ARMC3: variants seen among roughly 807,000 people sequenced by gnomAD.
ARMC3 encodes armadillo repeat-containing protein 3.
A neutral mutation model predicts 90.3 loss-of-function variants in ARMC3; 74 were observed. The observed-to-expected ratio is 0.82, with a 90% confidence interval of 0.68 to 0.99. ARMC3 has a LOEUF of 0.99. Ranked by LOEUF, ARMC3 falls within the 50% of genes least tolerant of loss-of-function variation. The probability of loss-of-function intolerance (pLI) is 0.00; values close to 1 mark genes in which losing one functional copy is unlikely to be tolerated. For synonymous variants in ARMC3, 334 were observed against 361.8 expected (o/e 0.92, Z 0.87); for missense variants, 958 against 1,042.8 (o/e 0.92, Z 1.12).
intron 2 of ARMC3, among the ~76,000 whole-genome samples, chr10:22,941,512 G>T (rs1037404637): frequency 3.9e-5 from 6 of 152,156 alleles, no homozygotes; most frequent in African/African-American, 1.2e-4. Context: ...GTGAGAATAG[G>T]AGATTGAGTT....
At chr10:23,003,696 A>G (rs1837434208) in intron 13 of ARMC3, among the ~76,000 whole-genome samples, 1 of 152,196 alleles carries the variant, frequency 6.6e-6, no homozygotes, top group African/African-American at 2.4e-5. Flanking sequence ...CTGGTGATGC[A>G]TATCTGTAGT....
intron 10 of ARMC3, among the ~76,000 whole-genome samples, chr10:22,992,430 G>A (rs1046424070): frequency 1.3e-5 from 2 of 151,950 alleles, no homozygotes; most frequent in Admixed American, 6.6e-5. Context: ...TTTGCGGGGG[G>A]CATTTTTCTT....
intron 7 of ARMC3, among the ~76,000 whole-genome samples, chr10:22,963,800 GA>G (rs1835304193): frequency 6.6e-6 from 1 of 150,952 alleles, no homozygotes; most frequent in Non-Finnish European, 1.5e-5. Context: ...TGAGGCAGAA[GA>G]ATCACTTGAA....
At chr10:22,956,799 T>A (rs1489226520) in intron 4 of ARMC3, among the ~76,000 whole-genome samples, 1 of 148,324 alleles carries the variant, frequency 6.7e-6, no homozygotes, top group Non-Finnish European at 1.5e-5. Flanking sequence ...TATGATATAT[T>A]AATATGTAAT....
intron 10 of ARMC3, among the ~76,000 whole-genome samples, chr10:22,992,422 T>G (rs11013224): frequency 0.52 from 78,142 of 151,584 alleles, 22,110 homozygotes; most frequent in Non-Finnish European, 0.62. Flanking sequence ...CCTAGCATTT[T>G]GCGGGGGGCA....
At chr10:22,943,626 G>A (rs1157801718) in intron 2 of ARMC3, among the ~76,000 whole-genome samples, 3 of 151,666 alleles carry the variant, frequency 2.0e-5, no homozygotes, top group Admixed American at 6.6e-5. Flanking sequence ...CATCACTTCA[G>A]GAATCCTTTC....
intron 8 of ARMC3, among the ~76,000 whole-genome samples, chr10:22,970,673 A>G (rs956717374): frequency 1.3e-5 from 2 of 152,216 alleles, no homozygotes; most frequent in African/African-American, 4.8e-5. Context: ...GGACTGGCTC[A>G]AGGCACTTTG....
At position 23,010,700 on chromosome 10, in the gene ARMC3, C is replaced by A. The variant is rs190231852; in HGVS notation, c.2045+1769C>A. Among the ~76,000 whole-genome samples the A allele has an allele frequency of 3.0e-4, 26 of 87,620 alleles. No individual in the cohort carries two copies. The East Asian group carries it at 0.011, about 36-fold the overall frequency. 57.5% of individuals were successfully genotyped at this position (87,620 alleles called of 152,430 possible). ...CCCTCCCCCTTCCTTCCTTTCCCTT[C>A]CCCCTCCTTCCTTTCCCTCCCCTTT... On this transcript the variant is annotated intron_variant, in intron 16 of 18. Coordinates refer to ENST00000298032, the MANE Select transcript of ARMC3 (RefSeq NM_173081.5).
At chr10:23,013,360 C>T (rs7087818) in intron 16 of ARMC3, among the ~76,000 whole-genome samples, 38,813 of 152,024 alleles carry the variant, frequency 0.26, 5,781 homozygotes, top group African/African-American at 0.41. Context: ...TTCTTTACAG[C>T]TTTGTTTTTG....
chr10:22,946,941 C>T (rs1834553148), intron 3 of ARMC3, among the ~76,000 whole-genome samples: 1 of 152,206 alleles, frequency 6.6e-6, no homozygotes, highest in Non-Finnish European at 1.5e-5. Context: ...GGGTGGATCA[C>T]TTGAGCCCAG....
chr10:23,022,070 T>C (rs1015186475), intron 16 of ARMC3, among the ~76,000 whole-genome samples: 5 of 152,208 alleles, frequency 3.3e-5, no homozygotes, highest in Admixed American at 6.5e-5. Flanking sequence ...AAAATATGTA[T>C]ATTTACATTT....
chr10:22,988,480 CA>C (rs774858472), intron 10 of ARMC3, among the ~76,000 whole-genome samples: 6 of 152,142 alleles, frequency 3.9e-5, no homozygotes, highest in Non-Finnish European at 5.9e-5. Context: ...ATTTCTCTCC[CA>C]TTCAGTAAAG....
intron 13 of ARMC3, among the ~76,000 whole-genome samples, chr10:23,004,216 AATATT>A (rs1032238218): frequency 6.6e-6 from 1 of 152,196 alleles, no homozygotes; most frequent in African/African-American, 2.4e-5. Context: ...TAGAAATTAA[AATATT>A]AAGGACACTT....
chr10:22,970,492 C>G (rs1835634201), intron 8 of ARMC3, among the ~76,000 whole-genome samples: 1 of 152,158 alleles, frequency 6.6e-6, no homozygotes, highest in Non-Finnish European at 1.5e-5. Flanking sequence ...TGAAGTTACT[C>G]AGAAGGGAGG....
At chr10:23,014,041 A>C in intron 16 of ARMC3, 1 of 1,530,784 alleles carries the variant, frequency 6.5e-7, no homozygotes, top group South Asian at 1.2e-5. Context: ...ACAAATGAGA[A>C]TAATTATTCC....
chr10:22,978,330 GT>G (rs1014927783), intron 8 of ARMC3, among the ~76,000 whole-genome samples: 2 of 152,220 alleles, frequency 1.3e-5, no homozygotes, highest in African/African-American at 4.8e-5. Context: ...TCTTTGCAGG[GT>G]GGCAGGAGAG....
chr10:22,982,657 A>G (rs1348926457), intron 10 of ARMC3, among the ~76,000 whole-genome samples: 1 of 152,220 alleles, frequency 6.6e-6, no homozygotes, highest in African/African-American at 2.4e-5. Flanking sequence ...GGAGATTAAG[A>G]CTGCCTTATA....
chr10:22,951,141 G>A (rs1480995611), intron 3 of ARMC3, among the ~76,000 whole-genome samples: 3 of 152,146 alleles, frequency 2.0e-5, no homozygotes, highest in Non-Finnish European at 2.9e-5. Flanking sequence ...GTTTCACTGT[G>A]TTAGCCAGGA....
intron 2 of ARMC3, among the ~76,000 whole-genome samples, chr10:22,934,387 A>G (rs1045578526): frequency 1.3e-5 from 2 of 152,240 alleles, no homozygotes; most frequent in African/African-American, 4.8e-5. Flanking sequence ...AGATGCCTAC[A>G]TATGGAAAAG....
Sources: allele counts gnomAD v4.1 joint callset (sites outside exome capture counted in the v4.1 genomes callset), GRCh38; gene constraint gnomAD v4.1.1; transcripts MANE v1.5; gene names NCBI Gene and HGNC (gene_info 2026-07-23, HGNC 2026-07-21).